The following TNRC18 variants were observed in gnomAD, a reference collection of about 807,000 sequenced individuals.
The protein encoded by TNRC18 is trinucleotide repeat containing 18.
Under a neutral mutation model 226.7 loss-of-function variants are expected in TNRC18, and 69 were observed. That is an observed-to-expected ratio of 0.30 (90% CI 0.25 to 0.37). TNRC18 has a LOEUF of 0.37. Ranked by LOEUF, TNRC18 falls within the 10% of genes least tolerant of loss-of-function variation. TNRC18 has a pLI of 1.00. For synonymous variants in TNRC18, 2,449 were observed against 1,927.6 expected, an observed-to-expected ratio of 1.27 and a Z score of -7.09; for missense variants, 4,754 against 4,256.6, an observed-to-expected ratio of 1.12 and a Z score of -3.25.
rs1040001526 is a variant in TNRC18, at chr7:5,408,509, G to C, written c.187+12551C>G. Among the ~76,000 whole-genome samples the C allele has an allele frequency of 2.6e-5, 4 of 151,944 alleles. No individual in the cohort carries two copies. In the South Asian group the frequency reaches 6.2e-4, roughly 24 times the overall value. On this transcript the variant is annotated intron_variant, in intron 2 of 29. Transcript: ENST00000430969. ...CTAAAAATATAAAAATTAGCCGGGT[G>C]TGGCAGCGCGTGCAGCTACTCGGGA... is the stretch of plus-strand genomic sequence containing the variant.
intron 2 of TNRC18, among the ~76,000 whole-genome samples, chr7:5,413,657 G>C (rs888987695): frequency 3.9e-5 from 6 of 152,164 alleles, no homozygotes; most frequent in African/African-American, 1.4e-4. Flanking sequence ...AGACTCCCAA[G>C]TAGCTGGGAT....
chr7:5,387,596 G>A (rs1307658886), intron 5 of TNRC18, 76 bp downstream of exon 5: 17 of 1,554,760 alleles, frequency 1.1e-5, no homozygotes, highest in Non-Finnish European at 1.5e-5. Context: ...AAGGGAAAGG[G>A]CCCACACTGT....
intron 19 of TNRC18, among the ~76,000 whole-genome samples, chr7:5,329,105 C>G (rs141936482): frequency 6.7e-6 from 1 of 149,918 alleles, no homozygotes; most frequent in African/African-American, 2.5e-5. Flanking sequence ...GAGTTCGAGA[C>G]GAGACTGGCC....
Position 5,394,723 on chromosome 7 carries a change from A to G in TNRC18, c.188-128T>C. ...CAGCTGTGTGGAGCTGATGCTGGCCAGGAGACCAAAGAGGGTTCCCCTGCT... is the reference window on the plus strand; with the variant it reads ...CAGCTGTGTGGAGCTGATGCTGGCCGGGAGACCAAAGAGGGTTCCCCTGCT... On this transcript the variant is annotated intron_variant, in intron 2 of 29. Transcript: ENST00000430969. This position sits in a 1 kb window ranked among gnomAD's most constrained non-coding sequence, Gnocchi z 4.5. 1 of 700,768 alleles carries G rather than the reference A, an allele frequency of 1.4e-6. No homozygotes were observed. The highest frequency in any genetic ancestry group is 2.3e-6 in the Non-Finnish European group (1 of 435,132). The allele number at this position is 700,768 out of a possible 1,614,324, so 43.4% of individuals were successfully genotyped here.
Position 5,421,048 on chromosome 7 carries a change from CG to C in TNRC18, c.187+11del. The C allele has an allele frequency of 6.5e-7, 1 of 1,526,898 alleles. No individual in the cohort carries two copies. The highest frequency in any genetic ancestry group is 8.9e-7 in the Non-Finnish European group (1 of 1,128,356). The allele number at this position is 1,526,898 out of a possible 1,614,324, so 94.6% of individuals were successfully genotyped here. ...AAGACAGGAGGGGACGGGCACGGCG[CG>C]GGGCACTTACCCGGGTGCGGATGGA... On this transcript the variant is annotated intron_variant, in intron 2 of 29. Transcript: ENST00000430969.
rs117605544 is a variant in TNRC18 at position 5,324,635 on chromosome 7, A to G, written c.6301-280T>C. ...AGTACTCACTACCATACCTCAGTCC[A>G]TCACTATGGCAGGTGCCTCCGTTCC... On this transcript the variant is annotated intron_variant, in intron 20 of 29. Transcript: ENST00000430969. This position sits in a 1 kb window ranked among gnomAD's most constrained non-coding sequence, Gnocchi z 4.8. 3.3e-3 allele frequency among the ~76,000 whole-genome samples: 502 copies of G among 152,374 alleles called. 13 individuals are homozygous for G. The highest frequency in any genetic ancestry group is 0.027 in the East Asian group (139 of 5,188).
At chr7:5,351,693 C>T (rs370857869) in intron 17 of TNRC18, 126 bp downstream of exon 17, 113 of 1,068,970 alleles carry the variant, frequency 1.1e-4, no homozygotes, top group Admixed American at 5.3e-4. Flanking sequence ...AGCCTTCTTG[C>T]GGCCATCCGC....
At chr7:5,422,396 G>C (rs967414274) in intron 1 of TNRC18, among the ~76,000 whole-genome samples, 1 of 146,542 alleles carries the variant, frequency 6.8e-6, no homozygotes, top group African/African-American at 2.6e-5. Flanking sequence ...CCTGCCAAGG[G>C]GCGCCTCCCC....
chr7:5,363,200 G>T (rs1219940033), intron 11 of TNRC18, among the ~76,000 whole-genome samples: 2 of 152,168 alleles, frequency 1.3e-5, no homozygotes, highest in African/African-American at 4.8e-5. Context: ...CTACTCGGGA[G>T]ACTAAGGCGG....
At chr7:5,350,385 G>A (rs1791660706) in intron 17 of TNRC18, among the ~76,000 whole-genome samples, 1 of 151,454 alleles carries the variant, frequency 6.6e-6, no homozygotes, top group South Asian at 2.1e-4. Context: ...AGGTCTGGGA[G>A]GGGAGGCGGT....
chr7:5,421,770 CG>C (rs1782600972), intron 1 of TNRC18, among the ~76,000 whole-genome samples: 1 of 152,184 alleles, frequency 6.6e-6, no homozygotes. Flanking sequence ...CGGCGGCTGC[CG>C]GGTCCTCCCG....
intron 18 of TNRC18, among the ~76,000 whole-genome samples, chr7:5,339,713 G>T (rs1790495021): frequency 1.3e-5 from 2 of 151,880 alleles, no homozygotes; most frequent in South Asian, 4.2e-4. Flanking sequence ...GGGATTACAG[G>T]CGCCCGCCAC....
Position 5,376,836 on chromosome 7 carries a change from G to A in TNRC18, c.2608+11C>T. 2 of 1,608,494 alleles carry A rather than the reference G, an allele frequency of 1.2e-6. No homozygotes were observed. Among genetic ancestry groups the A allele is most frequent in the Non-Finnish European group, 1.7e-6 (2 of 1,177,556 alleles). On this transcript the variant is annotated intron_variant, in intron 8 of 29. Transcript: ENST00000430969. Reference sequence around the variant, plus strand: ...TCTGGCCCATGGTGGCCACATAGAAGGTCCACTTACCAAAGTGAGGAAGGT... The same window carrying A: ...TCTGGCCCATGGTGGCCACATAGAAAGTCCACTTACCAAAGTGAGGAAGGT...
rs1779917648 is a variant in TNRC18 at position 5,387,865 on chromosome 7, C to T, written c.1959G>A (p.Arg653=). ...TGGCGCTCTCGGGCCTCTCGGGGTC[C>T]CGCTTCAGCTGCCGGCCGCCGCCCG... ...PAAGGGRQLK[R]DPERPESAKA... Residue 653 remains arginine, a synonymous_variant, in exon 5 of 30, where the codon CGG becomes CGA. Coordinates refer to ENST00000430969, the MANE Select transcript of TNRC18 (RefSeq NM_001080495.3). 2 of 1,598,476 alleles carry T rather than the reference C, an allele frequency of 1.3e-6. No homozygotes were observed. Among genetic ancestry groups the T allele is most frequent in the African/African-American group, 2.7e-5 (2 of 74,682 alleles).
chr7:5,370,880 G>C lies in TNRC18; in HGVS notation c.3714C>G (p.Pro1238=), dbSNP rs558239871. 1.9e-6 allele frequency: 3 copies of C among 1,607,664 alleles called. No individual in the cohort carries two copies. In the South Asian group the frequency reaches 3.3e-5, roughly 18 times the overall value. ...CCCCCAGGTCCAGGGCGGCGGTGCA[G>C]GGTTCTGTCCGGCCCGGGGAATCCA... The part of the protein sequence containing the change: ...PRVDSPGRTE[P]CTAALDLGVQ... Residue 1238 remains proline (P), a synonymous_variant, in exon 11 of 30, where the codon CCC becomes CCG. Transcript: ENST00000430969.
chr7:5,385,348 C>T (rs572091731), intron 5 of TNRC18, among the ~76,000 whole-genome samples: 1 of 151,878 alleles, frequency 6.6e-6, no homozygotes, highest in Non-Finnish European at 1.5e-5. Flanking sequence ...ATTAGCCGGG[C>T]GCGGTGGCGG....
In TNRC18 at chr7:5,324,325, G is replaced by A; in HGVS notation, c.6331C>T (p.Leu2111=). The A allele has an allele frequency of 6.2e-7, 1 of 1,613,596 alleles. No homozygotes were observed. The highest frequency in any genetic ancestry group is 1.1e-5 in the South Asian group (1 of 91,076). The change falls in exon 21 of 30, where the codon CTG becomes TTG. Residue 2111 remains leucine, a synonymous_variant. Transcript: ENST00000430969. The surrounding 1 kb of genome is among the most constrained non-coding windows in gnomAD (Gnocchi z 4.8). ...NRGKGGAVSK[L]MESMAAEEDF... ...TCCTCGGCTGCCATGCTCTCCATCAGCTTGCTCACGGCACCCCCCTTGCCG... is the reference window on the plus strand; with the variant it reads ...TCCTCGGCTGCCATGCTCTCCATCAACTTGCTCACGGCACCCCCCTTGCCG...
In TNRC18 at chr7:5,394,489, G is replaced by T; in HGVS notation, c.294C>A (p.Thr98=). 1 of 1,562,450 alleles carries T rather than the reference G, an allele frequency of 6.4e-7. No individual in the cohort carries two copies. Among genetic ancestry groups the T allele is most frequent in the Non-Finnish European group, 8.7e-7 (1 of 1,154,834 alleles). The change falls in exon 3 of 30, where the codon ACC becomes ACA. Residue 98 remains threonine, a synonymous_variant. Coordinates refer to ENST00000430969, the MANE Select transcript of TNRC18 (RefSeq NM_001080495.3). The surrounding 1 kb of genome is among the most constrained non-coding windows in gnomAD (Gnocchi z 4.5). ...LPSDLSFRSP[T]PSNLPMVQLW... Reference sequence around the variant, plus strand: ...GCTGCACCATGGGCAGGTTGCTAGGGGTTGGGGAGCGGAAAGACAGGTCAG... The same window carrying T: ...GCTGCACCATGGGCAGGTTGCTAGGTGTTGGGGAGCGGAAAGACAGGTCAG...
intron 25 of TNRC18, among the ~76,000 whole-genome samples, 158 bp downstream of exon 25, chr7:5,315,798 G>A (rs1261036920): frequency 6.6e-6 from 1 of 152,238 alleles, no homozygotes; most frequent in Non-Finnish European, 1.5e-5. Flanking sequence ...GGACCTAGGA[G>A]CCCTGAGATC....
Sources: allele counts gnomAD v4.1 joint callset (sites outside exome capture counted in the v4.1 genomes callset), GRCh38; gene constraint gnomAD v4.1.1; non-coding constraint Gnocchi (gnomAD v3.1); transcripts MANE v1.5; gene names NCBI Gene and HGNC (gene_info 2026-07-23, HGNC 2026-07-21).